The following HECTD4 variants were observed in gnomAD, a reference collection of about 807,000 sequenced individuals.
HECTD4 encodes the protein HECT domain E3 ubiquitin protein ligase 4.
Under a neutral mutation model 471.5 loss-of-function variants are expected in HECTD4, and 114 were observed. That is an observed-to-expected ratio of 0.24 (90% CI 0.21 to 0.28). The LOEUF (loss-of-function observed/expected upper bound fraction) is 0.28. Among genes scored for constraint, HECTD4 ranks in the 10% least tolerant of loss-of-function variants. The pLI, the probability that HECTD4 is intolerant of heterozygous loss-of-function variation, is 1.00. For missense variants in HECTD4, 3,866 were observed against 5,651.5 expected (o/e 0.68, Z 10.13); for synonymous variants, 2,012 against 2,256.0 (o/e 0.89, Z 3.07).
chr12:112,255,067 T>C (rs1430705431), intron 21 of HECTD4, among the ~76,000 whole-genome samples: 3 of 152,238 alleles, frequency 2.0e-5, no homozygotes, highest in Admixed American at 2.0e-4. Flanking sequence ...AAAGTAAATG[T>C]ACTTTTATCC....
intron 9 of HECTD4, 37 bp from the exon 10 acceptor site, chr12:112,274,997 A>G (rs1255543888): frequency 8.2e-7 from 1 of 1,215,124 alleles, no homozygotes; most frequent in South Asian, 1.4e-5. Flanking sequence ...AATGAGCCTG[A>G]AGATTATTTT....
At position 112,283,197 on chromosome 12, in the gene HECTD4, G is replaced by A. The variant is rs780302927; in HGVS notation, c.1441C>T (p.Leu481Phe). 2 of 1,613,770 alleles carry A rather than the reference G, an allele frequency of 1.2e-6. No homozygotes were observed. The highest frequency in any genetic ancestry group is 2.7e-5 in the African/African-American group (2 of 74,932). ...GACGGGGAGGCTCTATACCGAGAAA[G>A]TCTACTTAGAAGCATCTCATTAATG... ...KSINEMLLSRLSRYRASPSAT... is the reference protein window; with the variant it reads ...KSINEMLLSRFSRYRASPSAT... Residue 481 changes from leucine to phenylalanine, a missense_variant, in exon 8 of 76, where the codon CTT (leucine) becomes TTT (phenylalanine). By Grantham distance (22) the Leu-to-Phe change is conservative. Around this residue, in one of 16 missense-constraint regions of HECTD4, gnomAD observed 440 missense variants for 636.0 expected, o/e 0.69. Coordinates refer to ENST00000682272, the MANE Select transcript of HECTD4 (RefSeq NM_001388303.1).
intron 5 of HECTD4, among the ~76,000 whole-genome samples, chr12:112,309,145 T>C (rs777151087): frequency 1.3e-5 from 2 of 152,238 alleles, no homozygotes; most frequent in Non-Finnish European, 2.9e-5. Flanking sequence ...GCTTTCAAAC[T>C]GTAGTTTCTT....
chr12:112,309,412 A>C, intron 5 of HECTD4, 149 bp downstream of exon 5: 1 of 498,446 alleles, frequency 2.0e-6, no homozygotes, highest in Non-Finnish European at 3.5e-6. Flanking sequence ...GCAATAAGAG[A>C]AGATTGGAAT....
Position 112,251,021 on chromosome 12 carries a change from G to T in HECTD4, c.3666C>A (p.Thr1222=). Residue 1222 remains threonine, a synonymous_variant, in exon 24 of 76, where the codon ACC becomes ACA. Transcript: ENST00000682272. ...LRILYNGPEI[T]KEEEACQELL... ...GCTCCTGACAGGCTTCTTCTTCTTT[G>T]GTAATTTCTGGTCCATTGTACAGGA... The T allele has an allele frequency of 1.2e-6, 2 of 1,613,794 alleles. No individual in the cohort carries two copies. Among genetic ancestry groups the T allele is most frequent in the Non-Finnish European group, 1.7e-6 (2 of 1,179,792 alleles).
chr12:112,380,825 T>G (rs1238584240), intron 1 of HECTD4, among the ~76,000 whole-genome samples: 1 of 152,194 alleles, frequency 6.6e-6, no homozygotes. Flanking sequence ...CACTGCCGTT[T>G]CCAGAAACAC....
intron 1 of HECTD4, among the ~76,000 whole-genome samples, chr12:112,367,322 GAAA>G (rs2036582983): frequency 6.9e-6 from 1 of 145,304 alleles, no homozygotes; most frequent in East Asian, 2.2e-4. Flanking sequence ...AAGAAAGAAA[GAAA>G]GAAAGAAAGA....
At chr12:112,302,471 C>G (rs2035185726) in intron 7 of HECTD4, 3 of 747,650 alleles carry the variant, frequency 4.0e-6, no homozygotes, top group Non-Finnish European at 7.3e-6. Flanking sequence ...GAGGATGGCT[C>G]TCTGCTGCTG....
chr12:112,201,136 C>T, intron 54 of HECTD4: 1 of 452,556 alleles, frequency 2.2e-6, no homozygotes, highest in Non-Finnish European at 4.4e-6. Flanking sequence ...CCGTGTCATC[C>T]AAGCTGGAGT....
chr12:112,380,295 A>G (rs1289426876), intron 1 of HECTD4, among the ~76,000 whole-genome samples: 2 of 152,086 alleles, frequency 1.3e-5, no homozygotes, highest in Non-Finnish European at 2.9e-5. Flanking sequence ...AAATACAAAA[A>G]TTAGCCAGGC....
At chr12:112,277,826 C>A (rs1340599601) in intron 9 of HECTD4, among the ~76,000 whole-genome samples, 1 of 152,132 alleles carries the variant, frequency 6.6e-6, no homozygotes, top group East Asian at 1.9e-4. Context: ...CAAGTGTCCT[C>A]ACACTATCCT....
intron 1 of HECTD4, among the ~76,000 whole-genome samples, chr12:112,347,921 A>T (rs1393044220): frequency 1.3e-5 from 2 of 152,188 alleles, no homozygotes; most frequent in African/African-American, 2.4e-5. Context: ...CAATATACAG[A>T]ATTCCATGCT....
chr12:112,204,825 C>G (rs1032566903), intron 52 of HECTD4, among the ~76,000 whole-genome samples: 2 of 152,082 alleles, frequency 1.3e-5, no homozygotes, highest in African/African-American at 4.8e-5. Flanking sequence ...TGTCTCAAAT[C>G]TCTTCCACAG....
intron 6 of HECTD4, among the ~76,000 whole-genome samples, chr12:112,306,508 G>A (rs115349173): frequency 1.0e-3 from 157 of 152,256 alleles, no homozygotes; most frequent in African/African-American, 3.7e-3. Context: ...ATAGGAAAAA[G>A]TATTTACTAA....
chr12:112,244,082 C>T, intron 29 of HECTD4, 73 bp from the exon 30 acceptor site: 1 of 1,471,972 alleles, frequency 6.8e-7, no homozygotes, highest in Non-Finnish European at 9.4e-7. Context: ...ACAGAACTAC[C>T]CAACAGTCTA....
intron 44 of HECTD4, among the ~76,000 whole-genome samples, chr12:112,221,913 C>T (rs1271140541): frequency 6.7e-6 from 1 of 149,038 alleles, no homozygotes; most frequent in Non-Finnish European, 1.5e-5. Flanking sequence ...CGCCCCCATG[C>T]TCGGCTGATT....
In HECTD4 at chr12:112,185,370, G is replaced by C. The variant is rs1279215454; in HGVS notation, c.9596C>G (p.Ser3199Cys). 3.7e-6 allele frequency: 6 copies of C among 1,610,372 alleles called. No individual in the cohort carries two copies. In the African/African-American group the frequency reaches 4.0e-5, roughly 11 times the overall value. ...GGGGTTCAGCTGGAGGGCGATTGAG[G>C]AGGACAGGCCAGCGGGGTGCCGCCT... Reference protein sequence around the residue: ...EQRRHPAGLSSSIALQLNPCL... With the variant: ...EQRRHPAGLSCSIALQLNPCL... The change falls in exon 61 of 76, where the codon TCC becomes TGC. Residue 3199 changes from serine to cysteine, a missense_variant. Physicochemically the swap from Ser to Cys is moderately radical, Grantham distance 112 (BLOSUM62 -1). Around this residue, in one of 16 missense-constraint regions of HECTD4, gnomAD observed 364 missense variants for 413.2 expected, o/e 0.88. Transcript: ENST00000682272.
At chr12:112,191,044 T>G in intron 59 of HECTD4, 79 bp from the exon 60 acceptor site, 3 of 1,251,366 alleles carry the variant, frequency 2.4e-6, no homozygotes, top group Non-Finnish European at 3.3e-6. Context: ...TCCTGCCAGG[T>G]GTGCATGTAG....
At position 112,183,380 on chromosome 12, in the gene HECTD4, T is replaced by C. The variant is rs924481552; in HGVS notation, c.10780-114A>G. 58 of 831,030 alleles carry C rather than the reference T, an allele frequency of 7.0e-5. No homozygotes were observed. The Admixed American group carries it at 1.1e-3, about 15-fold the overall frequency. 51.5% of individuals were successfully genotyped at this position (831,030 alleles called of 1,614,324 possible). On this transcript the variant is annotated intron_variant, in intron 61 of 75. Transcript: ENST00000682272. ...AACCCTCTATTCATCTGCAGAGATG[T>C]GAAAGCTGCCCTACTCTGGTGAGCT...
Sources: gnomAD v4.1 joint callset for allele counts (sites outside exome capture counted in the v4.1 genomes callset) on GRCh38, gnomAD v4.1.1 for gene constraint, gnomAD v4.1.1 regional missense constraint, MANE v1.5 for transcripts, NCBI Gene and HGNC (gene_info 2026-07-23, HGNC 2026-07-21) for gene names.